CDC42BPB: variants seen among roughly 807,000 people sequenced by gnomAD.
CDC42BPB encodes serine/threonine-protein kinase MRCK beta.
In CDC42BPB, 37 loss-of-function variants were observed where a neutral mutation model predicts 214.9. That is an observed-to-expected ratio of 0.17 (90% CI 0.13 to 0.23). The LOEUF (loss-of-function observed/expected upper bound fraction) is 0.23. Ranked by LOEUF, CDC42BPB falls within the 10% of genes least tolerant of loss-of-function variation. The pLI is 1.00. For synonymous variants in CDC42BPB, 931 were observed against 884.0 expected (o/e 1.05, Z -0.94); for missense variants, 1,694 against 2,227.0 (o/e 0.76, Z 4.82).
At position 102,944,409 on chromosome 14, in the gene CDC42BPB, C is replaced by T; in HGVS notation, c.3890G>A (p.Cys1297Tyr). 1.2e-6 allele frequency: 2 copies of T among 1,613,098 alleles called. No individual in the cohort carries two copies. Among genetic ancestry groups the T allele is most frequent in the Non-Finnish European group, 1.7e-6 (2 of 1,180,002 alleles). The change falls in exon 30 of 37, where the codon TGT (cysteine) becomes TAT (tyrosine). Residue 1297 changes from cysteine (C) to tyrosine (Y), a missense_variant. Physicochemically the swap from Cys to Tyr is radical, Grantham distance 194 (BLOSUM62 -2). Around this residue, in one of 7 missense-constraint regions of CDC42BPB, gnomAD observed 567 missense variants for 790.3 expected, o/e 0.72. Transcript: ENST00000361246. This position sits in a 1 kb window ranked among gnomAD's most constrained non-coding sequence, Gnocchi z 6.6. Reference sequence around the variant, plus strand: ...GAGGTGCACATGGTGGTTCCGGCCACAGAGGAGGATTACGATCTTCTCCCT... The same window carrying T: ...GAGGTGCACATGGTGGTTCCGGCCATAGAGGAGGATTACGATCTTCTCCCT... ...APREKIVILL[C>Y]GRNHHVHLYP...
chr14:102,969,633 C>A (rs1893383456), intron 14 of CDC42BPB, among the ~76,000 whole-genome samples: 1 of 152,236 alleles, frequency 6.6e-6, no homozygotes, highest in Non-Finnish European at 1.5e-5. Flanking sequence ...CGCCATACTG[C>A]CAAGGAGATC....
At chr14:102,984,493 G>A (rs1057453094) in intron 6 of CDC42BPB, among the ~76,000 whole-genome samples, 1 of 152,090 alleles carries the variant, frequency 6.6e-6, no homozygotes, top group East Asian at 1.9e-4. Context: ...GCACCAGGAG[G>A]CTAAGACCGC....
At chr14:102,962,086 A>C (rs1010788116) in intron 20 of CDC42BPB, among the ~76,000 whole-genome samples, 30 of 152,220 alleles carry the variant, frequency 2.0e-4, no homozygotes, top group African/African-American at 7.2e-4. Context: ...TATGAGAAAT[A>C]TGCAAGTTAA....
intron 16 of CDC42BPB, among the ~76,000 whole-genome samples, chr14:102,967,982 C>T (rs1197879520): frequency 6.6e-6 from 1 of 152,030 alleles, no homozygotes; most frequent in African/African-American, 2.4e-5. Context: ...GTAGTCCCAG[C>T]CACTTGGGAG....
intron 12 of CDC42BPB, chr14:102,972,469 C>T (rs777685112): frequency 9.0e-6 from 2 of 222,708 alleles, no homozygotes; most frequent in Non-Finnish European, 1.5e-5. Context: ...GGCGGGTCAC[C>T]TGAGGTCAGG....
intron 1 of CDC42BPB, among the ~76,000 whole-genome samples, chr14:103,020,808 G>T (rs960383567): frequency 6.6e-6 from 1 of 152,238 alleles, no homozygotes; most frequent in Non-Finnish European, 1.5e-5. Context: ...CGGTTCAGAC[G>T]GCTGACGCAG....
intron 1 of CDC42BPB, 182 bp from the exon 2 acceptor site, chr14:103,012,370 C>A: frequency 1.2e-6 from 1 of 818,600 alleles, no homozygotes; most frequent in Non-Finnish European, 1.5e-6. Context: ...GGATCCTGAG[C>A]AACTGCAGCC....
intron 3 of CDC42BPB, among the ~76,000 whole-genome samples, chr14:103,005,361 G>A (rs779790367): frequency 6.6e-5 from 10 of 152,216 alleles, no homozygotes; most frequent in Non-Finnish European, 1.5e-4. Context: ...GAGTCTCACA[G>A]TGACCTCTGA....
Position 102,982,606 on chromosome 14 carries a change from T to C in CDC42BPB, c.891+950A>G, listed in dbSNP as rs114970330. Among the ~76,000 whole-genome samples the C allele has an allele frequency of 6.0e-3, 920 of 152,304 alleles. 11 individuals are homozygous for C. Among genetic ancestry groups the C allele is most frequent in the African/African-American group, 0.021 (868 of 41,564 alleles). On this transcript the variant is annotated intron_variant, in intron 7 of 36. Transcript: ENST00000361246. Reference sequence around the variant, plus strand: ...TAACATGGTGAAACCCTGTCTCTACTACTAATACAAAAAAATTAGCCAGGT... The same window carrying C: ...TAACATGGTGAAACCCTGTCTCTACCACTAATACAAAAAAATTAGCCAGGT...
chr14:103,025,146 T>C (rs145751674), intron 1 of CDC42BPB, among the ~76,000 whole-genome samples: 1 of 152,318 alleles, frequency 6.6e-6, no homozygotes, highest in African/African-American at 2.4e-5. Context: ...TGACAGTCCA[T>C]GCAGCAAGTA....
chr14:102,932,882 G>T lies in CDC42BPB; in HGVS notation c.*830C>A, dbSNP rs1381581766. On this transcript the variant is annotated 3_prime_UTR_variant, in exon 37 of 37. Coordinates refer to ENST00000361246, the MANE Select transcript of CDC42BPB (RefSeq NM_006035.4). ...ATGCGGGGGCAGGACTGGTGGGGGG[G>T]GGGGCGGGCAGGGCGGGGCGGGGTG... is the stretch of plus-strand genomic sequence containing the variant. 6.6e-4 allele frequency: 86 copies of T among 129,676 alleles called. 1 individual carries two copies. The highest frequency in any genetic ancestry group is 2.4e-3 in the African/African-American group (80 of 33,828). 8.0% of individuals were successfully genotyped at this position (129,676 alleles called of 1,614,324 possible).
At chr14:102,967,518 T>C (rs927776006) in intron 16 of CDC42BPB, among the ~76,000 whole-genome samples, 5 of 152,226 alleles carry the variant, frequency 3.3e-5, no homozygotes, top group Non-Finnish European at 7.3e-5. Context: ...GAGAAACGTG[T>C]CCTTGCACAC....
rs78285526 is a variant in CDC42BPB, at chr14:103,021,808, T to C, written c.176-9620A>G. Among the ~76,000 whole-genome samples, 1,386 of 151,652 alleles carry C rather than the reference T, an allele frequency of 9.1e-3. 22 individuals are homozygous for C. Among genetic ancestry groups the C allele is most frequent in the African/African-American group, 0.031 (1,298 of 41,334 alleles). On this transcript the variant is annotated intron_variant, in intron 1 of 36. Coordinates refer to ENST00000361246, the MANE Select transcript of CDC42BPB (RefSeq NM_006035.4). ...GGTCGTGTGGTACAGGCGGGGATCA[T>C]GTGGTGCAGGCGATAGCAGTCTGGT...
At chr14:103,009,641 T>C (rs1181134282) in intron 2 of CDC42BPB, among the ~76,000 whole-genome samples, 1 of 152,256 alleles carries the variant, frequency 6.6e-6, no homozygotes, top group African/African-American at 2.4e-5. Context: ...CAATTTTCTC[T>C]CTCATTCCTT....
intron 23 of CDC42BPB, among the ~76,000 whole-genome samples, chr14:102,953,488 C>T (rs1009987401): frequency 6.6e-6 from 1 of 152,222 alleles, no homozygotes; most frequent in Admixed American, 6.5e-5. Flanking sequence ...TGGCTTCTTA[C>T]GTCCAGCCGG....
At chr14:103,044,209 T>G (rs1195497441) in intron 1 of CDC42BPB, among the ~76,000 whole-genome samples, 1 of 152,150 alleles carries the variant, frequency 6.6e-6, no homozygotes, top group Non-Finnish European at 1.5e-5. Context: ...AATATCCATT[T>G]AAGACAGAGC....
rs1358869204 is a variant in CDC42BPB, at chr14:103,004,321, C to G, written c.352-298G>C. 2.3e-6 allele frequency: 1 copy of G among 431,682 alleles called. No homozygotes were observed. Among genetic ancestry groups the G allele is most frequent in the Non-Finnish European group, 3.5e-6 (1 of 289,320 alleles). The allele number at this position is 431,682 out of a possible 1,614,324, so 26.7% of individuals were successfully genotyped here. A position where few individuals can be genotyped will look rare whatever the true frequency, so the allele number is the denominator to read the frequency against. On this transcript the variant is annotated intron_variant, in intron 3 of 36. Transcript: ENST00000361246. The surrounding 1 kb of genome is among the most constrained non-coding windows in gnomAD (Gnocchi z 5.3). Reference sequence around the variant, plus strand: ...ACCCCACCCTTATGTGGATTCCTGACTGGGCTCCTCCCACCTGGCACCTCC... The same window carrying G: ...ACCCCACCCTTATGTGGATTCCTGAGTGGGCTCCTCCCACCTGGCACCTCC...
rs1000847181 is a variant in CDC42BPB at position 102,933,434 on chromosome 14, C to G, written c.*278G>C. On this transcript the variant is annotated 3_prime_UTR_variant, in exon 37 of 37. Transcript: ENST00000361246. Reference sequence around the variant, plus strand: ...GTTGGCAGGGCCCCATATGCCCTCTCGGGTTGTCAGGGGTGGGAGACAGGC... The same window carrying G: ...GTTGGCAGGGCCCCATATGCCCTCTGGGGTTGTCAGGGGTGGGAGACAGGC... 3.0e-6 allele frequency: 1 copy of G among 329,206 alleles called. No individual in the cohort carries two copies. Among genetic ancestry groups the G allele is most frequent in the African/African-American group, 2.1e-5 (1 of 47,010 alleles). The allele number at this position is 329,206 out of a possible 1,614,324, so 20.4% of individuals were successfully genotyped here.
chr14:102,978,586 T>C lies in CDC42BPB; in HGVS notation c.1141-381A>G, dbSNP rs372324412. 6.6e-5 allele frequency among the ~76,000 whole-genome samples: 10 copies of C among 152,350 alleles called. No individual in the cohort carries two copies. The East Asian group carries it at 1.2e-3, about 18-fold the overall frequency. On this transcript the variant is annotated intron_variant, in intron 8 of 36. Coordinates refer to ENST00000361246, the MANE Select transcript of CDC42BPB (RefSeq NM_006035.4). ...CCCTCTGAGGACCCCGGACAGAGCC[T>C]GGGGACTCTCAGGTTCTTGACCTAA...
Sources: gnomAD v4.1 joint callset for allele counts (sites outside exome capture counted in the v4.1 genomes callset) on GRCh38, gnomAD v4.1.1 for gene constraint, gnomAD v4.1.1 regional missense constraint, Gnocchi (gnomAD v3.1) non-coding constraint, MANE v1.5 for transcripts, NCBI Gene and HGNC (gene_info 2026-07-23, HGNC 2026-07-21) for gene names.